Variants in LRRC4C observed in about 807,000 individuals in gnomAD.
The protein encoded by LRRC4C is leucine-rich repeat-containing protein 4C.
Under a neutral mutation model 33.6 loss-of-function variants are expected in LRRC4C, and 5 were observed. That is an observed-to-expected ratio of 0.15 (90% CI 0.08 to 0.31). The LOEUF is 0.31. Ranked by LOEUF, LRRC4C falls within the 10% of genes least tolerant of loss-of-function variation. The pLI is 1.00. For missense variants in LRRC4C, 560 were observed against 796.7 expected (o/e 0.70, Z 3.58); for synonymous variants, 329 against 302.0 (o/e 1.09, Z -0.93).
At chr11:41,259,496 T>A (rs1254605963) in intron 1 of LRRC4C, among the ~76,000 whole-genome samples, 1 of 152,048 alleles carries the variant, frequency 6.6e-6, no homozygotes, top group Non-Finnish European at 1.5e-5. Context: ...ATACAAGTAT[T>A]CCTTATTTTT....
At chr11:40,338,437 T>C (rs919760384) in intron 3 of LRRC4C, among the ~76,000 whole-genome samples, 1 of 152,180 alleles carries the variant, frequency 6.6e-6, no homozygotes, top group Non-Finnish European at 1.5e-5. Context: ...CAGAAGTCTT[T>C]CCTCTTTTAT....
intron 2 of LRRC4C, among the ~76,000 whole-genome samples, chr11:40,705,479 A>G (rs1946111221): frequency 6.7e-6 from 1 of 148,154 alleles, no homozygotes; most frequent in Admixed American, 6.9e-5. Flanking sequence ...TCCTTGCCAT[A>G]GTTTGCTGAG....
At chr11:41,319,714 C>G (rs1342847002) in intron 1 of LRRC4C, among the ~76,000 whole-genome samples, 1 of 151,954 alleles carries the variant, frequency 6.6e-6, no homozygotes, top group African/African-American at 2.4e-5. Flanking sequence ...TCACGCCCAG[C>G]TAATTTTTGT....
chr11:40,382,683 C>CTTTTTTTTTTTTTTTTT (rs1590541837), intron 3 of LRRC4C, among the ~76,000 whole-genome samples: 1 of 113,300 alleles, frequency 8.8e-6, no homozygotes, highest in African/African-American at 3.8e-5. Context: ...AACTTGTACT[C>CTTTTTTTTTTTTTTTTT]ATTTTTTTTT....
At chr11:40,188,870 T>C (rs764866517) in intron 5 of LRRC4C, among the ~76,000 whole-genome samples, 19 of 152,232 alleles carry the variant, frequency 1.2e-4, no homozygotes, top group Non-Finnish European at 2.4e-4. Context: ...TGCACACCTA[T>C]GCAAGTCTTT....
intron 1 of LRRC4C, among the ~76,000 whole-genome samples, chr11:41,447,699 T>A (rs979056249): frequency 6.6e-6 from 1 of 152,180 alleles, no homozygotes; most frequent in Non-Finnish European, 1.5e-5. Context: ...ACAATTTAAC[T>A]AAATATAGCA....
intron 3 of LRRC4C, among the ~76,000 whole-genome samples, chr11:40,607,784 A>T (rs183244849): frequency 1.2e-4 from 18 of 152,238 alleles, no homozygotes; most frequent in African/African-American, 4.3e-4. Flanking sequence ...GATTAACACA[A>T]GCCACCTGCC....
At chr11:41,338,879 C>T (rs901493091) in intron 1 of LRRC4C, among the ~76,000 whole-genome samples, 5 of 151,848 alleles carry the variant, frequency 3.3e-5, no homozygotes, top group Non-Finnish European at 5.9e-5. Context: ...CAACAGATTC[C>T]ATAGATTCAG....
At chr11:40,490,150 TAA>T (rs531726677) in intron 3 of LRRC4C, among the ~76,000 whole-genome samples, 1 of 152,158 alleles carries the variant, frequency 6.6e-6, no homozygotes, top group East Asian at 1.9e-4. Flanking sequence ...AATGTATAAC[TAA>T]AAAAAGTAGT....
rs370779748 is a variant in LRRC4C at position 41,177,943 on chromosome 11, A to G, written c.-495-244220T>C. ...GTGTGAGGGGTGGAGAAGAGGTCCA[A>G]CTAAGAAGCCAGAGTTACCTCAACT... On this transcript the variant is annotated intron_variant, in intron 1 of 6. Coordinates refer to ENST00000528697, the MANE Select transcript of LRRC4C (RefSeq NM_001258419.2). Among the ~76,000 whole-genome samples the G allele has an allele frequency of 5.9e-5, 9 of 152,206 alleles. No individual in the cohort carries two copies. The East Asian group carries it at 1.7e-3, about 29-fold the overall frequency.
At chr11:40,219,042 T>C (rs1864212206) in intron 5 of LRRC4C, among the ~76,000 whole-genome samples, 1 of 152,196 alleles carries the variant, frequency 6.6e-6, no homozygotes, top group African/African-American at 2.4e-5. Context: ...CTATTTATAA[T>C]TGCAATCACT....
At chr11:41,182,845 AT>A (rs1307686891) in intron 1 of LRRC4C, among the ~76,000 whole-genome samples, 12 of 73,206 alleles carry the variant, frequency 1.6e-4, no homozygotes, top group Non-Finnish European at 2.6e-4. Context: ...AGACTGGGCA[AT>A]TTAAAAAAAA....
intron 5 of LRRC4C, among the ~76,000 whole-genome samples, chr11:40,240,475 C>T (rs776839080): frequency 2.0e-5 from 3 of 152,110 alleles, no homozygotes; most frequent in Non-Finnish European, 2.9e-5. Context: ...CTTAAAAGCC[C>T]AGTCCTATCT....
At chr11:40,631,851 C>A (rs1352494021) in intron 3 of LRRC4C, among the ~76,000 whole-genome samples, 1 of 152,090 alleles carries the variant, frequency 6.6e-6, no homozygotes, top group African/African-American at 2.4e-5. Flanking sequence ...TTTAGAAGCT[C>A]TGTAATGGTC....
intron 1 of LRRC4C, among the ~76,000 whole-genome samples, chr11:41,168,630 T>C (rs930199130): frequency 4.6e-5 from 7 of 152,144 alleles, no homozygotes; most frequent in African/African-American, 1.7e-4. Flanking sequence ...AATACATGAA[T>C]CCAAATATCA....
intron 2 of LRRC4C, among the ~76,000 whole-genome samples, chr11:40,865,515 A>G (rs1000684457): frequency 9.5e-5 from 14 of 148,134 alleles, no homozygotes; most frequent in East Asian, 3.9e-4. Context: ...CAGTGTGTAT[A>G]TATATATATA....
intron 1 of LRRC4C, among the ~76,000 whole-genome samples, chr11:41,266,011 A>G (rs1026873365): frequency 6.6e-6 from 1 of 152,114 alleles, no homozygotes; most frequent in African/African-American, 2.4e-5. Context: ...ATCACATGGT[A>G]GCTGGGAGAT....
At chr11:41,397,978 C>G (rs1953882691) in intron 1 of LRRC4C, among the ~76,000 whole-genome samples, 1 of 151,936 alleles carries the variant, frequency 6.6e-6, no homozygotes, top group Non-Finnish European at 1.5e-5. Context: ...GCCCTGTCCA[C>G]TTGTTTCATC....
intron 2 of LRRC4C, among the ~76,000 whole-genome samples, chr11:40,726,866 C>T (rs1479362276): frequency 2.0e-5 from 3 of 152,078 alleles, no homozygotes; most frequent in African/African-American, 7.2e-5. Flanking sequence ...CCTAAAAACT[C>T]TGCCAAAAGG....
Sources: allele counts gnomAD v4.1 joint callset (sites outside exome capture counted in the v4.1 genomes callset), GRCh38; gene constraint gnomAD v4.1.1; transcripts MANE v1.5; gene names NCBI Gene and HGNC (gene_info 2026-07-23, HGNC 2026-07-21).